The following AGBL1 variants were observed in gnomAD, a reference collection of about 807,000 sequenced individuals.
AGBL1 encodes the protein cytosolic carboxypeptidase 4.
In AGBL1, 130 loss-of-function variants were observed where a neutral mutation model predicts 118.9. The observed-to-expected ratio is 1.09, with a 90% CI of 0.95 to 1.26. The LOEUF (loss-of-function observed/expected upper bound fraction) is 1.26, where lower values mean the gene tolerates loss of function less well. Ranked by LOEUF, AGBL1 falls within the 50% of genes most tolerant of loss-of-function variation. The pLI is 0.00. For missense variants in AGBL1, 1,584 were observed against 1,298.1 expected, an observed-to-expected ratio of 1.22 and a Z score of -3.38; for synonymous variants, 555 against 478.9, an observed-to-expected ratio of 1.16 and a Z score of -2.08.
chr15:86,250,600 T>C (rs1344254097), intron 7 of AGBL1, among the ~76,000 whole-genome samples: 4 of 135,920 alleles, frequency 2.9e-5, no homozygotes, highest in Non-Finnish European at 6.1e-5. Context: ...GAAAATGTTA[T>C]CAAGTTTATG....
intron 18 of AGBL1, among the ~76,000 whole-genome samples, chr15:86,470,841 T>C (rs2082470448): frequency 6.6e-6 from 1 of 152,144 alleles, no homozygotes; most frequent in Non-Finnish European, 1.5e-5. Context: ...TGTTAGTGTA[T>C]AGAAATTTTA....
chr15:86,440,484 G>GAATAATAATAATAATAATAATAAT (rs60498816), intron 18 of AGBL1, among the ~76,000 whole-genome samples: 8 of 144,504 alleles, frequency 5.5e-5, no homozygotes, highest in South Asian at 2.2e-4. Context: ...ATGGGATGGA[G>GAATAATAATAATAATAATAATAAT]AATAATAATA....
chr15:86,792,745 C>A (rs1049545231), intron 22 of AGBL1, among the ~76,000 whole-genome samples: 1 of 151,964 alleles, frequency 6.6e-6, no homozygotes, highest in South Asian at 2.1e-4. Context: ...AGCTCAGGAC[C>A]AGCCTGGACA....
intron 24 of AGBL1, among the ~76,000 whole-genome samples, chr15:87,021,233 G>A (rs2081661476): frequency 6.6e-6 from 1 of 152,100 alleles, no homozygotes; most frequent in South Asian, 2.1e-4. Context: ...GACAAATCCA[G>A]CAATGGGGAA....
intron 5 of AGBL1, among the ~76,000 whole-genome samples, chr15:86,213,782 G>A (rs372716645): frequency 1.3e-5 from 2 of 152,062 alleles, no homozygotes; most frequent in African/African-American, 2.4e-5. Context: ...AAAATTTGCC[G>A]TTTAAAACCT....
chr15:86,734,319 G>T (rs764185176), intron 22 of AGBL1, among the ~76,000 whole-genome samples: 1 of 152,108 alleles, frequency 6.6e-6, no homozygotes, highest in Non-Finnish European at 1.5e-5. Flanking sequence ...TAAGAAAAAT[G>T]GCTAGAGTGG....
chr15:86,718,588 A>AT (rs1319687277), intron 22 of AGBL1, among the ~76,000 whole-genome samples: 1 of 152,166 alleles, frequency 6.6e-6, no homozygotes, highest in Non-Finnish European at 1.5e-5. Flanking sequence ...AATGCAGCTT[A>AT]ACAAAGCGGC....
rs138447392 is a variant in AGBL1 at position 86,150,476 on chromosome 15, T to C, written c.263-3954T>C. 8.2e-3 allele frequency among the ~76,000 whole-genome samples: 1,246 copies of C among 152,146 alleles called. 18 individuals are homozygous for C. The highest frequency in any genetic ancestry group is 0.028 in the African/African-American group (1,142 of 41,508). ...AATCCCACAGAAACAGAAACTACCA[T>C]CAGAGAATACTATAAACACCTCTAC... On this transcript the variant is annotated intron_variant, in intron 3 of 22. Coordinates refer to ENST00000614907, the MANE Select transcript of AGBL1 (RefSeq NM_001386094.1).
rs531831722 is a variant in AGBL1, at chr15:86,226,160, G to T, written c.526+1209G>T. Among the ~76,000 whole-genome samples the T allele has an allele frequency of 1.2e-4, 18 of 152,292 alleles. No homozygotes were observed. In the South Asian group the frequency reaches 3.7e-3, roughly 32 times the overall value. ...GAAGCCCTGGAGATAGGAAGGGATGGAAAAGTGTTACTGTGGGTTCTGGGG... is the reference window on the plus strand; with the variant it reads ...GAAGCCCTGGAGATAGGAAGGGATGTAAAAGTGTTACTGTGGGTTCTGGGG... On this transcript the variant is annotated intron_variant, in intron 6 of 22. Transcript: ENST00000614907.
intron 19 of AGBL1, among the ~76,000 whole-genome samples, chr15:86,524,099 A>T (rs1165005655): frequency 7.9e-5 from 12 of 152,252 alleles, no homozygotes; most frequent in Non-Finnish European, 1.5e-5. Flanking sequence ...AAATGGATGA[A>T]TATATAATGT....
intron 18 of AGBL1, among the ~76,000 whole-genome samples, chr15:86,433,229 TCTC>T (rs1360392900): frequency 6.8e-6 from 1 of 146,406 alleles, no homozygotes; most frequent in Admixed American, 6.9e-5. Context: ...TTCTTCTTCT[TCTC>T]CTCCTCCTTC....
At chr15:86,919,007 C>T (rs1444859161), downstream of AGBL1, among the ~76,000 whole-genome samples, 1 of 152,100 alleles carries the variant, frequency 6.6e-6, no homozygotes, top group Non-Finnish European at 1.5e-5. Context: ...CTATTTTTTT[C>T]AGAGTACTAC....
chr15:86,992,768 C>T (rs558360216), intron 24 of AGBL1, among the ~76,000 whole-genome samples: 2 of 151,030 alleles, frequency 1.3e-5, no homozygotes, highest in Admixed American at 1.3e-4. Flanking sequence ...TAAGCCTGCT[C>T]AATATCAACA....
intron 18 of AGBL1, among the ~76,000 whole-genome samples, chr15:86,458,765 C>T (rs2082293429): frequency 6.6e-6 from 1 of 152,108 alleles, no homozygotes; most frequent in South Asian, 2.1e-4. Context: ...GAGGGGTTAC[C>T]CTAGGTTGCA....
chr15:86,455,470 T>C (rs1351826966), intron 18 of AGBL1, among the ~76,000 whole-genome samples: 2 of 152,138 alleles, frequency 1.3e-5, no homozygotes, highest in Non-Finnish European at 2.9e-5. Context: ...ATTGGTTGGG[T>C]TGTTTTTTTA....
intron 22 of AGBL1, among the ~76,000 whole-genome samples, chr15:86,817,292 G>GA (rs1214679240): frequency 1.6e-3 from 145 of 92,380 alleles, no homozygotes; most frequent in African/African-American, 5.6e-3. Context: ...AACTCCATCT[G>GA]GAAAAAAAAA....
Position 86,464,469 on chromosome 15 carries a change from A to G in AGBL1, c.2556-58341A>G, listed in dbSNP as rs570861885. On this transcript the variant is annotated intron_variant, in intron 18 of 22. Transcript: ENST00000614907. ...CTGATTGCACTGGCCAGAACTTCCAATACTATGTTGAATAGGAGTGGTGAT... is the reference window on the plus strand; with the variant it reads ...CTGATTGCACTGGCCAGAACTTCCAGTACTATGTTGAATAGGAGTGGTGAT... Among the ~76,000 whole-genome samples, 3 of 152,276 alleles carry G rather than the reference A, an allele frequency of 2.0e-5. No homozygotes were observed. The East Asian group carries it at 5.8e-4, about 29-fold the overall frequency.
intron 22 of AGBL1, among the ~76,000 whole-genome samples, chr15:86,858,647 A>T (rs987807102): frequency 2.0e-5 from 3 of 152,240 alleles, no homozygotes; most frequent in African/African-American, 7.2e-5. Context: ...CTTGCTCTCT[A>T]AGAGCTTACA....
intron 21 of AGBL1, among the ~76,000 whole-genome samples, chr15:86,557,953 A>T (rs945362656): frequency 6.6e-6 from 1 of 152,120 alleles, no homozygotes; most frequent in South Asian, 2.1e-4. Context: ...GGAGATATTA[A>T]GAGTCGTTGC....
Sources: allele counts gnomAD v4.1 joint callset (sites outside exome capture counted in the v4.1 genomes callset), GRCh38; gene constraint gnomAD v4.1.1; transcripts MANE v1.5; gene names NCBI Gene and HGNC (gene_info 2026-07-23, HGNC 2026-07-21).